The following PDZRN3 variants were observed in gnomAD, a reference collection of about 807,000 sequenced individuals.
PDZRN3 encodes the protein E3 ubiquitin-protein ligase PDZRN3.
A neutral mutation model predicts 85.7 loss-of-function variants in PDZRN3; 38 were observed. The ratio of observed to expected loss-of-function variants is 0.44; its 90% CI spans 0.34 to 0.58. The LOEUF (loss-of-function observed/expected upper bound fraction) is 0.58, where lower values mean the gene tolerates loss of function less well. Among genes scored for constraint, PDZRN3 ranks in the 20% least tolerant of loss-of-function variants. The probability of loss-of-function intolerance (pLI) is 0.01; values close to 1 mark genes in which losing one functional copy is unlikely to be tolerated. For synonymous variants in PDZRN3, 759 were observed against 638.0 expected (o/e 1.19, Z -2.86); for missense variants, 1,629 against 1,506.4 (o/e 1.08, Z -1.35).
At position 73,541,384 on chromosome 3, in the gene PDZRN3, C is replaced by T. The variant is rs188196017; in HGVS notation, c.918+60970G>A. 2.5e-3 allele frequency among the ~76,000 whole-genome samples: 380 copies of T among 152,310 alleles called. 4 individuals are homozygous for T. Among genetic ancestry groups the T allele is most frequent in the Middle Eastern group, 6.8e-3 (2 of 294 alleles). On this transcript the variant is annotated intron_variant, in intron 3 of 9. Coordinates refer to ENST00000263666, the MANE Select transcript of PDZRN3 (RefSeq NM_015009.3). The stretch of plus-strand genomic sequence containing the variant: ...AGTACTCTTTAGGTCAGACAGTGGT[C>T]TAAATTCTTGATACATATTAATTCA...
intron 3 of PDZRN3, among the ~76,000 whole-genome samples, chr3:73,449,709 A>T (rs146059244): frequency 2.3e-4 from 35 of 152,384 alleles, no homozygotes; most frequent in Non-Finnish European, 3.8e-4. Context: ...TAATTAAAAC[A>T]GGCTAGAATC....
intron 3 of PDZRN3, among the ~76,000 whole-genome samples, chr3:73,419,805 G>A (rs1261716582): frequency 6.6e-6 from 1 of 151,986 alleles, no homozygotes; most frequent in Admixed American, 6.6e-5. Flanking sequence ...ACTATATCTG[G>A]GTCTAACATA....
At chr3:73,457,479 G>C (rs1703009285) in intron 3 of PDZRN3, among the ~76,000 whole-genome samples, 1 of 152,026 alleles carries the variant, frequency 6.6e-6, no homozygotes, top group African/African-American at 2.4e-5. Context: ...GGGTTTGTTG[G>C]GTTCCAGAGA....
At chr3:73,516,135 T>C (rs1408548285) in intron 3 of PDZRN3, among the ~76,000 whole-genome samples, 3 of 152,244 alleles carry the variant, frequency 2.0e-5, no homozygotes, top group African/African-American at 7.2e-5. Context: ...GGAAGGGATA[T>C]ATTGTTGTGG....
chr3:73,597,368 G>C (rs1702445453), intron 3 of PDZRN3, among the ~76,000 whole-genome samples: 1 of 152,182 alleles, frequency 6.6e-6, no homozygotes, highest in Admixed American at 6.5e-5. Flanking sequence ...AGCCTTTGAG[G>C]TTCCACAGCT....
rs370554640 is a variant in PDZRN3, at chr3:73,603,886, TAC to T, written c.811-1427_811-1426del. Among the ~76,000 whole-genome samples the T allele has an allele frequency of 2.3e-3, 334 of 145,030 alleles. 3 individuals carry two copies. Among genetic ancestry groups the T allele is most frequent in the East Asian group, 8.4e-3 (42 of 4,972 alleles). On this transcript the variant is annotated intron_variant, in intron 2 of 9. Coordinates refer to ENST00000263666, the MANE Select transcript of PDZRN3 (RefSeq NM_015009.3). ...ACTTCCCCAAACACACACACACACA[TAC>T]ACACACACACACACACACACAGAGT...
intron 5 of PDZRN3, among the ~76,000 whole-genome samples, chr3:73,400,192 T>C (rs967633947): frequency 6.6e-6 from 1 of 152,208 alleles, no homozygotes; most frequent in African/African-American, 2.4e-5. Context: ...AATGCTGTTA[T>C]ATTTTTTGAA....
intron 1 of PDZRN3, among the ~76,000 whole-genome samples, chr3:73,611,082 C>G (rs1702678446): frequency 6.6e-6 from 1 of 152,166 alleles, no homozygotes; most frequent in Middle Eastern, 3.2e-3. Context: ...CCCAATCCTA[C>G]ATCTTCATTA....
chr3:73,467,920 G>A (rs1423583166), intron 3 of PDZRN3, among the ~76,000 whole-genome samples: 5 of 152,126 alleles, frequency 3.3e-5, no homozygotes, highest in East Asian at 1.9e-4. Context: ...ACAGGAAGTC[G>A]AATGGAGGCT....
At chr3:73,480,821 AT>A (rs922138500) in intron 3 of PDZRN3, among the ~76,000 whole-genome samples, 1 of 152,208 alleles carries the variant, frequency 6.6e-6, no homozygotes, top group Admixed American at 6.5e-5. Flanking sequence ...CCTAGTACGC[AT>A]ACTTTGGCCA....
At chr3:73,619,096 T>C (rs1468964227) in intron 1 of PDZRN3, among the ~76,000 whole-genome samples, 3 of 152,194 alleles carry the variant, frequency 2.0e-5, no homozygotes, top group African/African-American at 7.2e-5. Flanking sequence ...TCTGGGTGGA[T>C]CTAGTGGAAC....
At chr3:73,461,930 T>A (rs986001726) in intron 3 of PDZRN3, among the ~76,000 whole-genome samples, 15 of 152,192 alleles carry the variant, frequency 9.9e-5, no homozygotes, top group African/African-American at 3.4e-4. Flanking sequence ...GTAGCTAGAG[T>A]AATGAAGAAA....
At chr3:73,509,365 G>A (rs1296604252) in intron 3 of PDZRN3, among the ~76,000 whole-genome samples, 4 of 152,196 alleles carry the variant, frequency 2.6e-5, no homozygotes, top group Non-Finnish European at 5.9e-5. Context: ...TGCGGTCTCA[G>A]CCCTTTAGGT....
At chr3:73,462,330 T>G (rs919344839) in intron 3 of PDZRN3, among the ~76,000 whole-genome samples, 1 of 151,896 alleles carries the variant, frequency 6.6e-6, no homozygotes, top group African/African-American at 2.4e-5. Context: ...GATCACGAGG[T>G]CAGGAGATCG....
chr3:73,472,279 G>T (rs1703359583), intron 3 of PDZRN3, among the ~76,000 whole-genome samples: 1 of 152,212 alleles, frequency 6.6e-6, no homozygotes, highest in Admixed American at 6.5e-5. Flanking sequence ...ATTTGTCAGG[G>T]CTAAATAGCC....
At chr3:73,530,569 T>C (rs1038896362) in intron 3 of PDZRN3, among the ~76,000 whole-genome samples, 4 of 152,314 alleles carry the variant, frequency 2.6e-5, no homozygotes, top group African/African-American at 9.6e-5. Flanking sequence ...GGGTCAAATA[T>C]AAGAACAAAA....
At chr3:73,543,992 A>T (rs1216334879) in intron 3 of PDZRN3, among the ~76,000 whole-genome samples, 2 of 152,252 alleles carry the variant, frequency 1.3e-5, no homozygotes, top group Non-Finnish European at 2.9e-5. Flanking sequence ...GAGGCAGATC[A>T]CTTGAGGTCA....
intron 3 of PDZRN3, among the ~76,000 whole-genome samples, chr3:73,493,988 G>A (rs1375750896): frequency 1.3e-5 from 2 of 152,194 alleles, no homozygotes; most frequent in Non-Finnish European, 2.9e-5. Flanking sequence ...AATCAACGTT[G>A]GATGACCAGA....
intron 3 of PDZRN3, among the ~76,000 whole-genome samples, chr3:73,574,454 G>A (rs1472871228): frequency 2.2e-5 from 2 of 92,404 alleles, no homozygotes; most frequent in East Asian, 6.1e-4. Context: ...TTTTTGGCTG[G>A]GGTGGGGGGG....
Sources: gnomAD v4.1 joint callset for allele counts (sites outside exome capture counted in the v4.1 genomes callset) on GRCh38, gnomAD v4.1.1 for gene constraint, MANE v1.5 for transcripts, NCBI Gene and HGNC (gene_info 2026-07-23, HGNC 2026-07-21) for gene names.